The following GPR179 variants were observed in gnomAD, a reference collection of about 807,000 sequenced individuals.
GPR179 encodes the protein G protein-coupled receptor 179, also known as probable G protein-coupled receptor 179.
Under a neutral mutation model 70.8 loss-of-function variants are expected in GPR179, and 52 were observed. That is an observed-to-expected ratio of 0.73 (90% CI 0.59 to 0.93). The LOEUF (loss-of-function observed/expected upper bound fraction) is 0.93. Among genes scored for constraint, GPR179 ranks in the 40% least tolerant of loss-of-function variants. The probability of loss-of-function intolerance (pLI) is 0.00; values close to 1 mark genes in which losing one functional copy is unlikely to be tolerated. For missense variants in GPR179, 2,734 were observed against 2,966.8 expected (o/e 0.92, Z 1.82); for synonymous variants, 1,123 against 1,169.0 (o/e 0.96, Z 0.80).
rs780692846 is a variant in GPR179, at chr17:38,337,099, G to A, written c.1106C>T (p.Ala369Val). ...CPEGCTSCMDATPCLVEEAAV... is the reference protein window; with the variant it reads ...CPEGCTSCMDVTPCLVEEAAV... ...GGCCTCTTCCACCAGGCACGGTGTG[G>A]CATCCATGCAGCTGGTGCAGCCCTC... Residue 369 changes from alanine (A) to valine (V), a missense_variant, in exon 4 of 11, where the codon GCC becomes GTC. Ala to Val is a moderately conservative substitution (Grantham distance 64). Transcript: ENST00000616987. 6.2e-7 allele frequency: 1 copy of A among 1,611,038 alleles called. No individual in the cohort carries two copies. Among genetic ancestry groups the A allele is most frequent in the East Asian group, 2.2e-5 (1 of 44,826 alleles).
At chr17:38,333,218 G>T in intron 10 of GPR179, 33 bp downstream of exon 10, 1 of 1,603,608 alleles carries the variant, frequency 6.2e-7, no homozygotes, top group African/African-American at 1.3e-5. Flanking sequence ...CTAAAAGCTA[G>T]CATTGAAAGG....
chr17:38,331,598 C>T (rs745994883), intron 10 of GPR179, 67 bp from the exon 11 acceptor site: 82 of 1,533,456 alleles, frequency 5.3e-5, no homozygotes, highest in Non-Finnish European at 6.9e-5. Flanking sequence ...CTGTCTGTTC[C>T]TCCACCCTTG....
chr17:38,333,318 C>G lies in GPR179; in HGVS notation c.1970G>C (p.Gly657Ala), dbSNP rs376146660. 6.2e-6 allele frequency: 10 copies of G among 1,614,008 alleles called. No homozygotes were observed. In the African/African-American group the frequency reaches 1.2e-4, roughly 19 times the overall value. Residue 657 changes from glycine (G) to alanine (A), a missense_variant, in exon 10 of 11, where the codon GGC becomes GCC. Coordinates refer to ENST00000616987, the MANE Select transcript of GPR179 (RefSeq NM_001004334.4). ...GGCGATGCTGCTGCCAAGGTAGGAG[C>G]CTGAGTGCTGCAGGTCCAGCTCGTC... Reference protein sequence around the residue: ...CEDELDLQHSGSYLGSSIASA... With the variant: ...CEDELDLQHSASYLGSSIASA...
chr17:38,336,234 T>C, intron 4 of GPR179, 90 bp from the exon 5 acceptor site: 1 of 885,504 alleles, frequency 1.1e-6, no homozygotes. Flanking sequence ...TCAGTGACCC[T>C]GAGCTAAGGC....
intron 7 of GPR179, 30 bp downstream of exon 7, chr17:38,335,002 CG>C: frequency 1.3e-6 from 2 of 1,596,290 alleles, no homozygotes; most frequent in Non-Finnish European, 1.7e-6. Flanking sequence ...CAGGGACCAG[CG>C]TAAGGCTGGG....
rs1025020118 is a variant in GPR179, at chr17:38,337,198, T to A, written c.1007A>T (p.Asp336Val). 1 of 1,611,670 alleles carries A rather than the reference T, an allele frequency of 6.2e-7. No individual in the cohort carries two copies. Among genetic ancestry groups the A allele is most frequent in the Admixed American group, 1.7e-5 (1 of 59,754 alleles). ...CCCGAATTGCCCGGTAGTCTGGAAG[T>A]CACTCTCCTCTAACCCTATAAAGAA... ...ASPSGGLEES[D>V]FQTTGQFGFP... is the part of the protein sequence containing the mutation. Residue 336 changes from aspartate (D) to valine (V), a missense_variant, in exon 4 of 11, where the codon GAC becomes GTC. By Grantham distance (152) the Asp-to-Val change is radical. Transcript: ENST00000616987.
intron 5 of GPR179, 49 bp downstream of exon 5, chr17:38,336,027 G>T: frequency 1.5e-6 from 2 of 1,352,650 alleles, no homozygotes; most frequent in Non-Finnish European, 2.1e-6. Flanking sequence ...CCAGGTTTTG[G>T]CTATGGGGGA....
In GPR179 at chr17:38,330,213, G is replaced by T; in HGVS notation, c.3356C>A (p.Ala1119Glu). 1.3e-6 allele frequency: 2 copies of T among 1,569,312 alleles called. No homozygotes were observed. Among genetic ancestry groups the T allele is most frequent in the Non-Finnish European group, 1.7e-6 (2 of 1,156,674 alleles). The change falls in exon 11 of 11, where the codon GCG (alanine) becomes GAG (glutamate). Residue 1119 changes from alanine to glutamate, a missense_variant. Physicochemically the swap from Ala to Glu is moderately radical, Grantham distance 107. Transcript: ENST00000616987. ...ESPEGQNSGT[A>E]GESMGAPSRS... ...GGAGGGTGCCCCCATACTCTCTCCC[G>T]CAGTCCCGCTGTTCTGCCCCTCGGG...
Position 38,329,912 on chromosome 17 carries a change from A to G in GPR179, c.3657T>C (p.Pro1219=), listed in dbSNP as rs372064887. The change falls in exon 11 of 11, where the codon CCT becomes CCC. Residue 1219 remains proline (P), a synonymous_variant. Coordinates refer to ENST00000616987, the MANE Select transcript of GPR179 (RefSeq NM_001004334.4). ...CTTTGGGCAGTTCCTGCCACCCGAC[A>G]GGGGTTTCTTTTGATTGCTTGATGT... ...DKNIKQSKET[P]VGWQELPKAG... 8 of 1,613,360 alleles carry G rather than the reference A, an allele frequency of 5.0e-6. No homozygotes were observed. The highest frequency in any genetic ancestry group is 5.1e-6 in the Non-Finnish European group (6 of 1,179,530).
intron 6 of GPR179, 139 bp downstream of exon 6, chr17:38,335,452 C>G: frequency 1.3e-6 from 1 of 770,210 alleles, no homozygotes; most frequent in Non-Finnish European, 2.2e-6. Flanking sequence ...GAAGACAAGG[C>G]TATGGTGATG....
In GPR179 at chr17:38,328,397, A is replaced by G. The variant is rs760858941; in HGVS notation, c.5172T>C (p.Ile1724=). 1.9e-6 allele frequency: 3 copies of G among 1,613,690 alleles called. No homozygotes were observed. The highest frequency in any genetic ancestry group is 1.7e-6 in the Non-Finnish European group (2 of 1,179,928). Residue 1724 remains isoleucine, a synonymous_variant, in exon 11 of 11, where the codon ATT becomes ATC. Coordinates refer to ENST00000616987, the MANE Select transcript of GPR179 (RefSeq NM_001004334.4). Reference sequence around the variant, plus strand: ...TGCCTGTATCATTTGGAGATTTCCTAATGGCCTCAGCTCCCAAAGCCCTTT... The same window carrying G: ...TGCCTGTATCATTTGGAGATTTCCTGATGGCCTCAGCTCCCAAAGCCCTTT... ...GEERALGAEA[I]RKSPNDTGKV... is the part of the protein sequence containing the mutation.
chr17:38,330,285 G>T lies in GPR179; in HGVS notation c.3284C>A (p.Thr1095Asn), dbSNP rs778229787. 1.2e-6 allele frequency: 2 copies of T among 1,610,048 alleles called. No homozygotes were observed. The highest frequency in any genetic ancestry group is 1.7e-6 in the Non-Finnish European group (2 of 1,177,600). ...CTCTCTGTAGGTGCTCCGAGAACGG[G>T]TCAGAGCTTTAATCGCCAGCCCCAG... ...RSLGLAIKAL[T>N]RSRSTYREKE... Residue 1095 changes from threonine to asparagine, a missense_variant, in exon 11 of 11, where the codon ACC becomes AAC. Thr to Asn is a moderately conservative substitution (Grantham distance 65, BLOSUM62 0). Coordinates refer to ENST00000616987, the MANE Select transcript of GPR179 (RefSeq NM_001004334.4).
Position 38,326,637 on chromosome 17 carries a change from T to G in GPR179, c.6932A>C (p.Glu2311Ala). ...ASTFTLEGVR[E>A]LQGPSGLEPR... Reference sequence around the variant, plus strand: ...CTCAAGCCCTGAAGGTCCTTGTAGTTCTCTGACACCTTCTAGAGTGAAAGT... The same window carrying G: ...CTCAAGCCCTGAAGGTCCTTGTAGTGCTCTGACACCTTCTAGAGTGAAAGT... Residue 2311 changes from glutamate (E) to alanine (A), a missense_variant, in exon 11 of 11, where the codon GAA becomes GCA. Glu to Ala is a moderately radical substitution (Grantham distance 107). Transcript: ENST00000616987. 1.2e-6 allele frequency: 2 copies of G among 1,614,212 alleles called. No homozygotes were observed. Among genetic ancestry groups the G allele is most frequent in the Non-Finnish European group, 1.7e-6 (2 of 1,180,046 alleles).
chr17:38,336,871 G>C, intron 4 of GPR179, 107 bp downstream of exon 4: 1 of 1,172,558 alleles, frequency 8.5e-7, no homozygotes, highest in Non-Finnish European at 1.2e-6. Flanking sequence ...GTTAGATTTA[G>C]AATCAAGATT....
rs2037389706 is a variant in GPR179 at position 38,334,889 on chromosome 17, G to C, written c.1646-47C>G. On this transcript the variant is annotated intron_variant, in intron 7 of 10. Coordinates refer to ENST00000616987, the MANE Select transcript of GPR179 (RefSeq NM_001004334.4). The surrounding 1 kb of genome is among the most constrained non-coding windows in gnomAD (Gnocchi z 4.7). ...GAGAGCCGGCACCACCTCAGCAGCT[G>C]TCCCACCCCTTTCTCTGAAAGATGT... The C allele has an allele frequency of 6.2e-7, 1 of 1,604,248 alleles. No homozygotes were observed. Among genetic ancestry groups the C allele is most frequent in the East Asian group, 2.2e-5 (1 of 44,682 alleles).
rs543923654 is a variant in GPR179, at chr17:38,335,084, G to A, written c.1594C>T (p.Arg532Cys). The change falls in exon 7 of 11, where the codon CGC becomes TGC. Residue 532 changes from arginine to cysteine, a missense_variant. Arg to Cys is a radical substitution (Grantham distance 180). Coordinates refer to ENST00000616987, the MANE Select transcript of GPR179 (RefSeq NM_001004334.4). ...LVIRGHTPSG[R>C]HFYLCHHDRW... is the part of the protein sequence containing the mutation. ...TCGTGGTGACAGAGGTAGAAATGGC[G>A]GCCACTGGGAGTGTGGCCTCGGATC... is the stretch of plus-strand genomic sequence containing the variant. 7 of 1,613,498 alleles carry A rather than the reference G, an allele frequency of 4.3e-6. No homozygotes were observed. The highest frequency in any genetic ancestry group is 2.2e-5 in the East Asian group (1 of 44,870).
rs761895905 is a variant in GPR179, at chr17:38,331,245, T to C, written c.2324A>G (p.Tyr775Cys). 1.3e-6 allele frequency: 2 copies of C among 1,588,874 alleles called. No individual in the cohort carries two copies. The highest frequency in any genetic ancestry group is 8.6e-7 in the Non-Finnish European group (1 of 1,168,472). Residue 775 changes from tyrosine to cysteine, a missense_variant, in exon 11 of 11, where the codon TAT (tyrosine) becomes TGT (cysteine). Tyr to Cys is a radical substitution (Grantham distance 194). Coordinates refer to ENST00000616987, the MANE Select transcript of GPR179 (RefSeq NM_001004334.4). The part of the protein sequence containing the change: ...TPALHKSRST[Y>C]DQRREQDPPL... ...CGGGTCCTGCTCCCTGCGCTGGTCA[T>C]AGGTGCTGCGGGACTTGTGCAGAGC...
rs1331610447 is a variant in GPR179, at chr17:38,343,516, G to T, written c.274C>A (p.Pro92Thr). ...ARGAGAMPGLPPSLQGAAGTL... is the reference protein window; with the variant it reads ...ARGAGAMPGLTPSLQGAAGTL... ...CCCGCTGCCCCCTGTAGGCTTGGGGGGAGCCCTGGCATGGCTCCTGCCCCA... is the reference window on the plus strand; with the variant it reads ...CCCGCTGCCCCCTGTAGGCTTGGGGTGAGCCCTGGCATGGCTCCTGCCCCA... The change falls in exon 1 of 11, where the codon CCC becomes ACC. Residue 92 changes from proline to threonine, a missense_variant. Pro to Thr is a conservative substitution (Grantham distance 38). Transcript: ENST00000616987. The surrounding 1 kb of genome is among the most constrained non-coding windows in gnomAD (Gnocchi z 4.2). The T allele has an allele frequency of 9.9e-6, 16 of 1,613,764 alleles. No homozygotes were observed. The South Asian group carries it at 1.8e-4, about 18-fold the overall frequency.
At position 38,329,331 on chromosome 17, in the gene GPR179, G is replaced by C. The variant is rs200066079; in HGVS notation, c.4238C>G (p.Thr1413Ser). 9.9e-6 allele frequency: 16 copies of C among 1,613,114 alleles called. No homozygotes were observed. Among genetic ancestry groups the C allele is most frequent in the Admixed American group, 5.0e-5 (3 of 59,776 alleles). ...PQEKQKTRKATFWKEQKPGGD... is the reference protein window; with the variant it reads ...PQEKQKTRKASFWKEQKPGGD... ...TCCCGGTTTCTGTTCTTTCCAAAAGGTTGCTTTCCTGGTTTTCTGCTTTTC... is the reference window on the plus strand; with the variant it reads ...TCCCGGTTTCTGTTCTTTCCAAAAGCTTGCTTTCCTGGTTTTCTGCTTTTC... Residue 1413 changes from threonine (T) to serine (S), a missense_variant, in exon 11 of 11, where the codon ACC becomes AGC. Coordinates refer to ENST00000616987, the MANE Select transcript of GPR179 (RefSeq NM_001004334.4).
Sources: allele counts gnomAD v4.1 joint callset, GRCh38; gene constraint gnomAD v4.1.1; non-coding constraint Gnocchi (gnomAD v3.1); transcripts MANE v1.5; gene names NCBI Gene and HGNC (gene_info 2026-07-23, HGNC 2026-07-21).